DGKE: variants seen among roughly 807,000 people sequenced by gnomAD.
The protein encoded by DGKE is diacylglycerol kinase epsilon.
A neutral mutation model predicts 70.0 loss-of-function variants in DGKE; 53 were observed. That is an observed-to-expected ratio of 0.76 (90% CI 0.61 to 0.95). The LOEUF (loss-of-function observed/expected upper bound fraction) is 0.95. Among genes scored for constraint, DGKE ranks in the 40% least tolerant of loss-of-function variants. The pLI, the probability that DGKE is intolerant of heterozygous loss-of-function variation, is 0.00. For missense variants in DGKE, 655 were observed against 706.9 expected (o/e 0.93, Z 0.83); for synonymous variants, 291 against 257.0 (o/e 1.13, Z -1.27).
At chr17:56,854,327 T>G (rs567933494) in intron 7 of DGKE, among the ~76,000 whole-genome samples, 17 of 152,214 alleles carry the variant, frequency 1.1e-4, no homozygotes, top group African/African-American at 3.1e-4. Context: ...TTTGTTTTTT[T>G]TGTGTTTTTT....
intron 2 of DGKE, among the ~76,000 whole-genome samples, chr17:56,840,262 G>A (rs1012868007): frequency 6.6e-6 from 1 of 152,216 alleles, no homozygotes; most frequent in Admixed American, 6.5e-5. Flanking sequence ...AGAAAAGATG[G>A]TTTTATGAAT....
Position 56,835,144 on chromosome 17 carries a change from A to G in DGKE, c.349A>G (p.Thr117Ala). ...QCKEIMLKND[T>A]KVLDAMPHHW... The stretch of plus-strand genomic sequence containing the variant: ...CAAGGAGATTATGCTCAAGAATGAC[A>G]CCAAGGTCCTGGACGCCATGCCCCA... The change falls in exon 2 of 12, where the codon ACC becomes GCC. Residue 117 changes from threonine (T) to alanine (A), a missense_variant. Transcript: ENST00000284061. 1 of 1,613,992 alleles carries G rather than the reference A, an allele frequency of 6.2e-7. No homozygotes were observed. Among genetic ancestry groups the G allele is most frequent in the Non-Finnish European group, 8.5e-7 (1 of 1,180,024 alleles).
chr17:56,840,873 C>T (rs1185474848), intron 2 of DGKE, among the ~76,000 whole-genome samples: 2 of 152,082 alleles, frequency 1.3e-5, no homozygotes, highest in Non-Finnish European at 1.5e-5. Flanking sequence ...GTGCCTGTAG[C>T]CTAGCTACTC....
At chr17:56,836,424 G>C (rs1474264962) in intron 2 of DGKE, 1 of 152,202 alleles carries the variant, frequency 6.6e-6, no homozygotes, top group Non-Finnish European at 1.5e-5. Flanking sequence ...TGGCATCAGT[G>C]AGAGCCAAGT....
intron 2 of DGKE, among the ~76,000 whole-genome samples, chr17:56,836,618 C>G (rs947998258): frequency 2.0e-5 from 3 of 152,222 alleles, no homozygotes; most frequent in Admixed American, 2.0e-4. Flanking sequence ...CCCAAATGAT[C>G]TTTCTAAAAA....
chr17:56,847,226 G>A (rs1907338153), intron 4 of DGKE: 1 of 74,158 alleles, frequency 1.3e-5, no homozygotes, highest in African/African-American at 4.0e-5. Flanking sequence ...TTGCACTGGT[G>A]ATTTTTTTTT....
chr17:56,862,240 C>T lies in DGKE; in HGVS notation c.1513C>T (p.His505Tyr). 6.2e-7 allele frequency: 1 copy of T among 1,613,794 alleles called. No individual in the cohort carries two copies. The highest frequency in any genetic ancestry group is 8.5e-7 in the Non-Finnish European group (1 of 1,179,760). ...LANPFRIGQAHTVRLILKCSM... is the reference protein window; with the variant it reads ...LANPFRIGQAYTVRLILKCSM... ...TAATCCTTTTCGAATAGGACAGGCA[C>T]ATACAGTGAGGGTAGGTGAAATATA... Residue 505 changes from histidine to tyrosine, a missense_variant, in exon 11 of 12, where the codon CAT becomes TAT. Transcript: ENST00000284061.
At chr17:56,844,291 C>A in intron 3 of DGKE, 113 bp downstream of exon 3, 1 of 669,576 alleles carries the variant, frequency 1.5e-6, no homozygotes, top group Non-Finnish European at 2.2e-6. Context: ...ATAAAATAAA[C>A]TTAAATAACA....
chr17:56,865,745 C>T lies in DGKE; in HGVS notation c.*2954C>T, dbSNP rs1477915342. 2 of 151,638 alleles carry T rather than the reference C, an allele frequency of 1.3e-5. No homozygotes were observed. The highest frequency in any genetic ancestry group is 2.1e-4 in the South Asian group (1 of 4,810). The allele number at this position is 151,638 out of a possible 1,614,324, so 9.4% of individuals were successfully genotyped here. On this transcript the variant is annotated 3_prime_UTR_variant, in exon 12 of 12. Transcript: ENST00000284061. Reference sequence around the variant, plus strand: ...ACTCAGAAATTGTAAAGTCAGTTTGCGTTGTAAAAATGAATACTACCAGCA... The same window carrying T: ...ACTCAGAAATTGTAAAGTCAGTTTGTGTTGTAAAAATGAATACTACCAGCA...
chr17:56,848,995 T>G, intron 6 of DGKE, 142 bp downstream of exon 6: 2 of 1,316,612 alleles, frequency 1.5e-6, no homozygotes, highest in Non-Finnish European at 2.1e-6. Flanking sequence ...ATACTGGTGT[T>G]TTGTTTTATT....
chr17:56,849,889 C>A (rs1907543814), intron 7 of DGKE, among the ~76,000 whole-genome samples: 1 of 152,058 alleles, frequency 6.6e-6, no homozygotes, highest in Non-Finnish European at 1.5e-5. Context: ...AGGCTTATTG[C>A]TCAGGAATAA....
chr17:56,837,789 A>C (rs913891943), intron 2 of DGKE, among the ~76,000 whole-genome samples: 3 of 152,218 alleles, frequency 2.0e-5, no homozygotes, highest in South Asian at 2.1e-4. Context: ...GACAAGTTAC[A>C]TTTCAAAGGA....
At position 56,864,955 on chromosome 17, in the gene DGKE, G is replaced by GT. The variant is rs1203666301; in HGVS notation, c.*2169dup. 1 of 151,970 alleles carries GT rather than the reference G, an allele frequency of 6.6e-6. No individual in the cohort carries two copies. The allele number at this position is 151,970 out of a possible 1,614,324, so 9.4% of individuals were successfully genotyped here. On this transcript the variant is annotated 3_prime_UTR_variant, in exon 12 of 12. Coordinates refer to ENST00000284061, the MANE Select transcript of DGKE (RefSeq NM_003647.3). ...TTTTTGGTTATTGTAATCTAGTAAG[G>GT]TTTTTGCATCACTACTGGTCTGTCA... is the stretch of plus-strand genomic sequence containing the variant.
chr17:56,862,670 G>T lies in DGKE; in HGVS notation c.1583G>T (p.Gly528Val), dbSNP rs1908364454. Reference sequence around the variant, plus strand: ...GTGGATGGGGAGCCTTGGGCCCAAGGGCCCTGCACTGTCACCATAACTCAC... The same window carrying T: ...GTGGATGGGGAGCCTTGGGCCCAAGTGCCCTGCACTGTCACCATAACTCAC... ...MQVDGEPWAQGPCTVTITHKT... is the reference protein window; with the variant it reads ...MQVDGEPWAQVPCTVTITHKT... The change falls in exon 12 of 12, where the codon GGG becomes GTG. Residue 528 changes from glycine (G) to valine (V), a missense_variant. Coordinates refer to ENST00000284061, the MANE Select transcript of DGKE (RefSeq NM_003647.3). The T allele has an allele frequency of 6.2e-7, 1 of 1,600,724 alleles. No individual in the cohort carries two copies. The highest frequency in any genetic ancestry group is 8.5e-7 in the Non-Finnish European group (1 of 1,176,260).
intron 2 of DGKE, chr17:56,835,501 G>C: frequency 1.8e-6 from 1 of 541,808 alleles, no homozygotes; most frequent in Non-Finnish European, 3.2e-6. Context: ...ATAAAACTTG[G>C]CTCCTAACGT....
At chr17:56,840,692 A>G (rs1906922700) in intron 2 of DGKE, among the ~76,000 whole-genome samples, 1 of 152,220 alleles carries the variant, frequency 6.6e-6, no homozygotes, top group Non-Finnish European at 1.5e-5. Context: ...CAGAGGATGG[A>G]AAAGCCCGAC....
At chr17:56,835,426 C>A in intron 2 of DGKE, 167 bp downstream of exon 2, 1 of 729,076 alleles carries the variant, frequency 1.4e-6, no homozygotes, top group Non-Finnish European at 2.2e-6. Flanking sequence ...GGCAGCTTTG[C>A]AGTAGTCATT....
intron 2 of DGKE, among the ~76,000 whole-genome samples, chr17:56,842,058 A>T (rs562352470): frequency 1.2e-4 from 18 of 152,266 alleles, no homozygotes; most frequent in African/African-American, 3.4e-4. Flanking sequence ...ACCATGTTTT[A>T]AAAAAATTGA....
chr17:56,859,924 C>T (rs537755542), intron 9 of DGKE, among the ~76,000 whole-genome samples: 9 of 152,228 alleles, frequency 5.9e-5, no homozygotes, highest in Admixed American at 2.0e-4. Context: ...TGCCGTTAGG[C>T]GTAATGTTTA....
Sources: allele counts gnomAD v4.1 joint callset (sites outside exome capture counted in the v4.1 genomes callset), GRCh38; gene constraint gnomAD v4.1.1; transcripts MANE v1.5; gene names NCBI Gene and HGNC (gene_info 2026-07-23, HGNC 2026-07-21).